CAP2: variants seen among roughly 807,000 people sequenced by gnomAD.
CAP2 encodes the protein cyclase associated actin cytoskeleton regulatory protein 2, also known as adenylyl cyclase-associated protein 2.
A neutral mutation model predicts 57.7 loss-of-function variants in CAP2; 24 were observed. The ratio of observed to expected loss-of-function variants is 0.42; its 90% CI spans 0.30 to 0.58. The LOEUF (loss-of-function observed/expected upper bound fraction) is 0.58, where lower values mean the gene tolerates loss of function less well. CAP2 is among the 20% of genes least tolerant of loss of function. The probability of loss-of-function intolerance (pLI) is 0.22; values close to 1 mark genes in which losing one functional copy is unlikely to be tolerated. For synonymous variants in CAP2, 194 were observed against 207.2 expected, an observed-to-expected ratio of 0.94 and a Z score of 0.55; for missense variants, 501 against 590.3, an observed-to-expected ratio of 0.85 and a Z score of 1.57.
At chr6:17,425,197 TAG>T (rs1347208765) in intron 2 of CAP2, among the ~76,000 whole-genome samples, 3 of 152,238 alleles carry the variant, frequency 2.0e-5, no homozygotes, top group African/African-American at 7.2e-5. Context: ...AGATTTTGGT[TAG>T]AGTTTTCATA....
At chr6:17,424,925 T>C (rs1759548766) in intron 2 of CAP2, among the ~76,000 whole-genome samples, 1 of 152,236 alleles carries the variant, frequency 6.6e-6, no homozygotes, top group Non-Finnish European at 1.5e-5. Context: ...TTTATCTGTC[T>C]CCAAACGGAT....
At chr6:17,473,042 T>A (rs1321716130) in intron 4 of CAP2, among the ~76,000 whole-genome samples, 1 of 152,088 alleles carries the variant, frequency 6.6e-6, no homozygotes, top group East Asian at 1.9e-4. Context: ...GTGACCTTTT[T>A]TTTTTTTTAA....
intron 3 of CAP2, among the ~76,000 whole-genome samples, chr6:17,438,496 T>C (rs1759970636): frequency 8.0e-6 from 1 of 124,572 alleles, no homozygotes; most frequent in East Asian, 2.8e-4. Flanking sequence ...TGGAGTGCAG[T>C]GGCACGATCC....
At chr6:17,445,042 T>C (rs964593342) in intron 3 of CAP2, among the ~76,000 whole-genome samples, 2 of 152,146 alleles carry the variant, frequency 1.3e-5, no homozygotes, top group African/African-American at 4.8e-5. Flanking sequence ...TCACTGACAA[T>C]AGAAACACCT....
At chr6:17,480,755 C>T (rs1396913849) in intron 4 of CAP2, among the ~76,000 whole-genome samples, 1 of 150,634 alleles carries the variant, frequency 6.6e-6, no homozygotes, top group African/African-American at 2.4e-5. Flanking sequence ...TGACTTGGTG[C>T]TAAATGTGGT....
chr6:17,462,984 CTT>C lies in CAP2; in HGVS notation c.223-10_223-9del. The C allele has an allele frequency of 6.2e-7, 1 of 1,612,920 alleles. No homozygotes were observed. Among genetic ancestry groups the C allele is most frequent in the Non-Finnish European group, 8.5e-7 (1 of 1,178,924 alleles). ...CAAACATTGAAACTGCCATCTTCCT[CTT>C]TGTTCCCAGGCAGAAATGGTGCACA... is the stretch of plus-strand genomic sequence containing the variant. On this transcript the variant is annotated splice_polypyrimidine_tract_variant and intron_variant, in intron 3 of 12. Transcript: ENST00000229922.
intron 7 of CAP2, among the ~76,000 whole-genome samples, chr6:17,529,321 A>G (rs1762582337): frequency 6.6e-6 from 1 of 152,016 alleles, no homozygotes; most frequent in Admixed American, 6.6e-5. Context: ...ATAAAATAGA[A>G]AGAAATTAGT....
chr6:17,410,791 C>A (rs530635140), intron 1 of CAP2, among the ~76,000 whole-genome samples: 3 of 152,070 alleles, frequency 2.0e-5, no homozygotes, highest in Non-Finnish European at 4.4e-5. Flanking sequence ...GATCTCCTGA[C>A]CTCGTGATCT....
intron 7 of CAP2, among the ~76,000 whole-genome samples, chr6:17,535,387 G>A (rs1432647060): frequency 6.6e-6 from 1 of 150,734 alleles, no homozygotes; most frequent in Non-Finnish European, 1.5e-5. Context: ...CGATTCTCCT[G>A]CCTCAGCCTC....
chr6:17,529,052 CAA>C (rs60328547), intron 7 of CAP2, among the ~76,000 whole-genome samples: 2 of 148,526 alleles, frequency 1.3e-5, no homozygotes, highest in African/African-American at 2.5e-5. Context: ...CCCATCTCTA[CAA>C]AAAAAAAATT....
chr6:17,418,523 GT>G (rs1164974168), intron 1 of CAP2, among the ~76,000 whole-genome samples: 2 of 152,162 alleles, frequency 1.3e-5, no homozygotes, highest in Admixed American at 1.3e-4. Context: ...TTTGGGTCTT[GT>G]CAGGGAGTCT....
intron 4 of CAP2, among the ~76,000 whole-genome samples, chr6:17,481,577 T>C (rs1255874542): frequency 6.6e-6 from 1 of 152,218 alleles, no homozygotes; most frequent in Non-Finnish European, 1.5e-5. Flanking sequence ...CATTATATTC[T>C]ATTAATCTTT....
intron 1 of CAP2, among the ~76,000 whole-genome samples, chr6:17,405,806 T>C (rs776454337): frequency 2.0e-5 from 3 of 152,164 alleles, no homozygotes; most frequent in Non-Finnish European, 4.4e-5. Flanking sequence ...AGTGACACAA[T>C]CTTGGCTCGC....
intron 4 of CAP2, among the ~76,000 whole-genome samples, chr6:17,474,828 A>G (rs1014286814): frequency 1.3e-5 from 2 of 152,112 alleles, no homozygotes; most frequent in Non-Finnish European, 2.9e-5. Flanking sequence ...GGTCTTCACA[A>G]TATTTTTTAT....
chr6:17,471,181 C>A (rs1761008598), intron 4 of CAP2, among the ~76,000 whole-genome samples: 1 of 152,116 alleles, frequency 6.6e-6, no homozygotes, highest in Non-Finnish European at 1.5e-5. Flanking sequence ...GAACACAGAG[C>A]CAAACTCCCA....
At chr6:17,519,898 T>C (rs1762351912) in intron 7 of CAP2, among the ~76,000 whole-genome samples, 1 of 152,228 alleles carries the variant, frequency 6.6e-6, no homozygotes, top group African/African-American at 2.4e-5. Context: ...AATTCTATGA[T>C]TAGGAGAAAT....
chr6:17,433,219 A>G (rs1182509446), intron 3 of CAP2, among the ~76,000 whole-genome samples: 7 of 152,182 alleles, frequency 4.6e-5, no homozygotes, highest in Admixed American at 2.0e-4. Context: ...GGAAAACACC[A>G]TGAGAAGCAA....
Position 17,513,017 on chromosome 6 carries a change from A to G in CAP2, c.531-832A>G, listed in dbSNP as rs1274109536. Among the ~76,000 whole-genome samples, 1 of 152,192 alleles carries G rather than the reference A, an allele frequency of 6.6e-6. No individual in the cohort carries two copies. The highest frequency in any genetic ancestry group is 1.5e-5 in the Non-Finnish European group (1 of 68,028). On this transcript the variant is annotated intron_variant, in intron 6 of 12. Coordinates refer to ENST00000229922, the MANE Select transcript of CAP2 (RefSeq NM_006366.3). The surrounding 1 kb of genome is among the most constrained non-coding windows in gnomAD (Gnocchi z 4.3). ...TTAACTCAAATGTCATTATTTTTGC[A>G]TTTACCTTGACTTCTATAAGTGAGA...
intron 11 of CAP2, 81 bp from the exon 12 acceptor site, chr6:17,551,383 A>G: frequency 8.5e-7 from 1 of 1,175,444 alleles, no homozygotes. Flanking sequence ...TAAAGCCAAG[A>G]GGAATTGAGA....
Sources: allele counts gnomAD v4.1 joint callset (sites outside exome capture counted in the v4.1 genomes callset), GRCh38; gene constraint gnomAD v4.1.1; non-coding constraint Gnocchi (gnomAD v3.1); transcripts MANE v1.5; gene names NCBI Gene and HGNC (gene_info 2026-07-23, HGNC 2026-07-21).